The following GREB1L variants were observed in gnomAD, a reference collection of about 807,000 sequenced individuals.
The protein encoded by GREB1L is GREB1-like protein.
In GREB1L, 17 loss-of-function variants were observed where a neutral mutation model predicts 200.8. That is an observed-to-expected ratio of 0.08 (90% CI 0.06 to 0.13). The LOEUF (loss-of-function observed/expected upper bound fraction) is 0.13. Among genes scored for constraint, GREB1L ranks in the 10% least tolerant of loss-of-function variants. The pLI is 1.00. For synonymous variants in GREB1L, 789 were observed against 893.0 expected (o/e 0.88, Z 2.08); for missense variants, 1,657 against 2,367.7 (o/e 0.70, Z 6.23).
At chr18:21,394,973 G>GCA (rs1443749171) in intron 4 of GREB1L, among the ~76,000 whole-genome samples, 2 of 148,186 alleles carry the variant, frequency 1.3e-5, no homozygotes, top group Non-Finnish European at 3.0e-5. Flanking sequence ...GTGTGGTGGC[G>GCA]CACACGCCTG....
intron 1 of GREB1L, among the ~76,000 whole-genome samples, chr18:21,333,107 C>T (rs555810011): frequency 7.2e-5 from 11 of 152,066 alleles, no homozygotes; most frequent in South Asian, 6.2e-4. Context: ...CGCGCGCGCG[C>T]GCACATACGG....
chr18:21,475,165 G>A (rs1313794388), intron 16 of GREB1L, among the ~76,000 whole-genome samples: 2 of 152,084 alleles, frequency 1.3e-5, no homozygotes, highest in East Asian at 3.9e-4. Flanking sequence ...CTCCTGGAAG[G>A]GAGATGTGCT....
At chr18:21,434,571 G>GTATATATA (rs148448547) in intron 7 of GREB1L, among the ~76,000 whole-genome samples, 36 of 136,300 alleles carry the variant, frequency 2.6e-4, no homozygotes, top group Middle Eastern at 3.7e-3. Flanking sequence ...ATATATGTGT[G>GTATATATA]TATATATATA....
chr18:21,469,477 G>A (rs2035397058), intron 15 of GREB1L, among the ~76,000 whole-genome samples: 1 of 151,862 alleles, frequency 6.6e-6, no homozygotes, highest in Non-Finnish European at 1.5e-5. Flanking sequence ...AGATATTCGA[G>A]GGTTACTTTG....
In GREB1L at chr18:21,478,934, T is replaced by A. The variant is rs2035813430; in HGVS notation, c.2556+1578T>A. Among the ~76,000 whole-genome samples the A allele has an allele frequency of 2.0e-5, 3 of 152,174 alleles. No homozygotes were observed. In the South Asian group the frequency reaches 6.2e-4, roughly 32 times the overall value. ...TCTCGCTCTGTCACCCAGGCTGGAG[T>A]GCAGTGGTGCGAAGTCAGCTCACTG... On this transcript the variant is annotated intron_variant, in intron 17 of 32. Coordinates refer to ENST00000424526, the MANE Select transcript of GREB1L (RefSeq NM_001142966.3).
intron 18 of GREB1L, among the ~76,000 whole-genome samples, chr18:21,486,353 CA>C (rs770296447): frequency 0.018 from 1,608 of 89,770 alleles, 16 homozygotes; most frequent in African/African-American, 0.052. Flanking sequence ...GACTCCGTCT[CA>C]AAAAAAAAAA....
chr18:21,332,119 A>G (rs1002336387), intron 1 of GREB1L, among the ~76,000 whole-genome samples: 5 of 152,250 alleles, frequency 3.3e-5, no homozygotes, highest in Non-Finnish European at 7.3e-5. Context: ...CCTAAAATTC[A>G]TTAGTTAATA....
intron 31 of GREB1L, among the ~76,000 whole-genome samples, chr18:21,518,542 C>G (rs756950152): frequency 2.0e-5 from 3 of 152,218 alleles, no homozygotes; most frequent in Admixed American, 6.5e-5. Context: ...AAGCCTACCT[C>G]GGTGACTTTG....
At chr18:21,385,123 T>C (rs1412693082) in intron 4 of GREB1L, among the ~76,000 whole-genome samples, 1 of 152,162 alleles carries the variant, frequency 6.6e-6, no homozygotes, top group African/African-American at 2.4e-5. Flanking sequence ...CATCCCAGCC[T>C]AATTAGTTCA....
chr18:21,356,134 C>G (rs1292963771), intron 1 of GREB1L, among the ~76,000 whole-genome samples: 1 of 151,328 alleles, frequency 6.6e-6, no homozygotes, highest in Admixed American at 6.6e-5. Context: ...CCACCACACC[C>G]AACTAATTTT....
intron 7 of GREB1L, among the ~76,000 whole-genome samples, chr18:21,422,719 CA>C (rs2144897062): frequency 6.6e-6 from 1 of 152,246 alleles, no homozygotes; most frequent in Non-Finnish European, 1.5e-5. Flanking sequence ...TGTTTTGAAA[CA>C]ATGTAGCAAT....
rs2145244892 is a variant in GREB1L, at chr18:21,440,266, CA to C, written c.950-2del. On this transcript the variant is annotated splice_acceptor_variant, in intron 8 of 32. Coordinates refer to ENST00000424526, the MANE Select transcript of GREB1L (RefSeq NM_001142966.3). LOFTEE classifies it high-confidence loss of function. The stretch of plus-strand genomic sequence containing the variant: ...TTTTTTTTGTTTTTTTGTTTGTCTT[CA>C]GCTACCATGTTCATTTCTGGGCCAC... 6.4e-7 allele frequency: 1 copy of C among 1,550,902 alleles called. No individual in the cohort carries two copies. Among genetic ancestry groups the C allele is most frequent in the Non-Finnish European group, 8.7e-7 (1 of 1,146,712 alleles).
rs192374428 is a variant in GREB1L, at chr18:21,495,649, C to T, written c.3031-21C>T. 3.1e-4 allele frequency: 382 copies of T among 1,252,224 alleles called. 2 individuals are homozygous for T. The highest frequency in any genetic ancestry group is 1.8e-5 in the Non-Finnish European group (16 of 885,294). The allele number at this position is 1,252,224 out of a possible 1,614,324, so 77.6% of individuals were successfully genotyped here. On this transcript the variant is annotated intron_variant, in intron 19 of 32. Coordinates refer to ENST00000424526, the MANE Select transcript of GREB1L (RefSeq NM_001142966.3). ...ACTTAAATGAGAGTTTTAATTTTAACATACGGGTCTCTTTCTGTAGAGTTG... is the reference window on the plus strand; with the variant it reads ...ACTTAAATGAGAGTTTTAATTTTAATATACGGGTCTCTTTCTGTAGAGTTG...
chr18:21,267,189 C>CTT (rs751150056), intron 1 of GREB1L, among the ~76,000 whole-genome samples: 62 of 108,738 alleles, frequency 5.7e-4, no homozygotes, highest in Non-Finnish European at 6.4e-4. Context: ...GCCTCGGCCG[C>CTT]TTTTTTTTTT....
At chr18:21,437,750 A>G (rs1470955694) in intron 7 of GREB1L, among the ~76,000 whole-genome samples, 1 of 152,220 alleles carries the variant, frequency 6.6e-6, no homozygotes, top group Non-Finnish European at 1.5e-5. Flanking sequence ...CATCTTATAG[A>G]TTAAAAGAGG....
At chr18:21,418,464 A>C (rs2031851680) in intron 7 of GREB1L, among the ~76,000 whole-genome samples, 1 of 151,996 alleles carries the variant, frequency 6.6e-6, no homozygotes, top group Non-Finnish European at 1.5e-5. Context: ...TGGGTTTTTA[A>C]ATTTGTATTT....
At chr18:21,322,851 T>C (rs944454393) in intron 1 of GREB1L, among the ~76,000 whole-genome samples, 6 of 152,094 alleles carry the variant, frequency 3.9e-5, no homozygotes, top group African/African-American at 1.4e-4. Context: ...ATATTCCACA[T>C]CTTAAACCAA....
At chr18:21,329,968 TTG>T (rs1491350689) in intron 1 of GREB1L, among the ~76,000 whole-genome samples, 1,395 of 107,440 alleles carry the variant, frequency 0.013, 18 homozygotes, top group African/African-American at 0.043. Context: ...GGTTTTTTTT[TTG>T]GGGGGGGGGG....
chr18:21,413,754 C>T (rs372650419), intron 7 of GREB1L, among the ~76,000 whole-genome samples: 2 of 152,136 alleles, frequency 1.3e-5, no homozygotes, highest in African/African-American at 2.4e-5. Context: ...GAGGAGGCTA[C>T]GGGTCATGCA....
Sources: allele counts gnomAD v4.1 joint callset (sites outside exome capture counted in the v4.1 genomes callset), GRCh38; gene constraint gnomAD v4.1.1; transcripts MANE v1.5; gene names NCBI Gene and HGNC (gene_info 2026-07-23, HGNC 2026-07-21).